Variants in DCC observed in about 807,000 individuals in gnomAD.
DCC encodes DCC netrin 1 receptor.
In DCC, 58 loss-of-function variants were observed where a neutral mutation model predicts 172.5. That is an observed-to-expected ratio of 0.34 (90% CI 0.27 to 0.42). DCC has a LOEUF of 0.42. Ranked by LOEUF, DCC falls within the 10% of genes least tolerant of loss-of-function variation. DCC has a pLI of 1.00. For missense variants in DCC, 1,740 were observed against 1,791.0 expected (o/e 0.97, Z 0.51); for synonymous variants, 709 against 644.5 (o/e 1.10, Z -1.52).
intron 1 of DCC, among the ~76,000 whole-genome samples, chr18:52,443,275 G>T (rs1269192745): frequency 6.6e-6 from 1 of 152,092 alleles, no homozygotes; most frequent in African/African-American, 2.4e-5. Flanking sequence ...TTAGTAACAA[G>T]TCCTCATTAA....
chr18:53,259,741 A>C (rs1471625046), intron 12 of DCC, among the ~76,000 whole-genome samples: 5 of 152,064 alleles, frequency 3.3e-5, no homozygotes, highest in Non-Finnish European at 7.4e-5. Flanking sequence ...GTATTTCATG[A>C]ATTTGAATAT....
intron 13 of DCC, among the ~76,000 whole-genome samples, chr18:53,307,825 A>G (rs1451042635): frequency 6.7e-6 from 1 of 148,186 alleles, no homozygotes; most frequent in South Asian, 2.1e-4. Context: ...CATATGAGAA[A>G]TGTAAACTCT....
intron 2 of DCC, among the ~76,000 whole-genome samples, chr18:52,802,933 G>C (rs55824611): frequency 4.6e-5 from 7 of 151,894 alleles, no homozygotes; most frequent in Admixed American, 3.9e-4. Context: ...GTGTAAGCCA[G>C]AGTAAAGAAA....
At chr18:52,732,902 C>T (rs1430534556) in intron 1 of DCC, among the ~76,000 whole-genome samples, 2 of 152,086 alleles carry the variant, frequency 1.3e-5, no homozygotes, top group Non-Finnish European at 2.9e-5. Flanking sequence ...TAGTTACGTT[C>T]ATGCTGTCCT....
intron 12 of DCC, among the ~76,000 whole-genome samples, chr18:53,253,109 A>G (rs2056459338): frequency 6.6e-6 from 1 of 151,984 alleles, no homozygotes; most frequent in African/African-American, 2.4e-5. Flanking sequence ...TATGAAAAAA[A>G]TGAGCTTAAT....
chr18:53,257,722 T>C (rs2056539836), intron 12 of DCC, among the ~76,000 whole-genome samples: 1 of 152,242 alleles, frequency 6.6e-6, no homozygotes, highest in Admixed American at 6.5e-5. Context: ...GATGCTGGCC[T>C]CATAAAATGA....
At chr18:52,449,343 C>T (rs919454428) in intron 1 of DCC, among the ~76,000 whole-genome samples, 14 of 152,070 alleles carry the variant, frequency 9.2e-5, no homozygotes, top group East Asian at 3.9e-4. Context: ...ATCTCCCTTG[C>T]GGGGGAAAAA....
intron 15 of DCC, among the ~76,000 whole-genome samples, chr18:53,366,622 G>T (rs947622525): frequency 6.6e-6 from 1 of 152,168 alleles, no homozygotes; most frequent in Non-Finnish European, 1.5e-5. Flanking sequence ...TCTTCTGGAA[G>T]AAATTTTCCA....
intron 5 of DCC, among the ~76,000 whole-genome samples, chr18:52,969,737 C>G (rs1390708097): frequency 6.6e-6 from 1 of 151,876 alleles, no homozygotes; most frequent in Non-Finnish European, 1.5e-5. Context: ...GTATATTTTT[C>G]AGGATAGGCT....
intron 2 of DCC, chr18:52,892,353 G>A (rs2039663641): frequency 6.6e-6 from 1 of 152,066 alleles, no homozygotes; most frequent in African/African-American, 2.4e-5. Context: ...CAAAGAAGCA[G>A]GGTAGAAATA....
intron 7 of DCC, among the ~76,000 whole-genome samples, chr18:53,123,010 T>C (rs532482410): frequency 3.3e-5 from 5 of 152,178 alleles, no homozygotes; most frequent in African/African-American, 1.2e-4. Flanking sequence ...CTTTAACTCC[T>C]ATGCTGGACA....
intron 21 of DCC, among the ~76,000 whole-genome samples, chr18:53,434,716 C>T (rs1262615515): frequency 1.3e-5 from 2 of 152,190 alleles, no homozygotes; most frequent in Non-Finnish European, 2.9e-5. Flanking sequence ...GTGCTGGCCC[C>T]TTGTAGGATA....
intron 1 of DCC, among the ~76,000 whole-genome samples, chr18:52,636,714 C>G (rs773461995): frequency 3.3e-5 from 5 of 152,150 alleles, no homozygotes; most frequent in Non-Finnish European, 5.9e-5. Context: ...CTCACCCCCA[C>G]CTGATGATCC....
At chr18:52,783,545 G>T (rs34878384) in intron 2 of DCC, among the ~76,000 whole-genome samples, 1 of 151,410 alleles carries the variant, frequency 6.6e-6, no homozygotes, top group South Asian at 2.1e-4. Flanking sequence ...TTCTGTAAAA[G>T]ACATTGTAGT....
chr18:53,343,281 A>G (rs1221600877), intron 15 of DCC, among the ~76,000 whole-genome samples: 1 of 152,010 alleles, frequency 6.6e-6, no homozygotes, highest in African/African-American at 2.4e-5. Context: ...CTTTACCATG[A>G]AATAGGTTAT....
intron 7 of DCC, among the ~76,000 whole-genome samples, chr18:53,089,498 G>A (rs2042971320): frequency 6.6e-6 from 1 of 151,628 alleles, no homozygotes; most frequent in Non-Finnish European, 1.5e-5. Flanking sequence ...CTTTCTTCAT[G>A]AAAAAGTTAC....
intron 5 of DCC, among the ~76,000 whole-genome samples, chr18:52,988,636 A>C (rs2041333203): frequency 6.6e-6 from 1 of 152,132 alleles, no homozygotes; most frequent in Non-Finnish European, 1.5e-5. Context: ...TTTGCTCTCA[A>C]ATATTTGTTT....
intron 1 of DCC, among the ~76,000 whole-genome samples, chr18:52,720,496 G>C (rs1292762596): frequency 6.6e-6 from 1 of 152,098 alleles, no homozygotes; most frequent in East Asian, 1.9e-4. Flanking sequence ...AGAAGTGAGA[G>C]TCTCTCAGAC....
chr18:53,294,234 T>A (rs2057039145), intron 12 of DCC, among the ~76,000 whole-genome samples: 2 of 152,180 alleles, frequency 1.3e-5, no homozygotes, highest in African/African-American at 4.8e-5. Context: ...AATGATTTTT[T>A]AAAAAATAAC....
Sources: allele counts gnomAD v4.1 joint callset (sites outside exome capture counted in the v4.1 genomes callset), GRCh38; gene constraint gnomAD v4.1.1; transcripts MANE v1.5; gene names NCBI Gene and HGNC (gene_info 2026-07-23, HGNC 2026-07-21).